AKT1S1: variants seen among roughly 807,000 people sequenced by gnomAD.
AKT1S1 encodes AKT1 substrate 1, also known as proline-rich AKT1 substrate 1.
In AKT1S1, 17 loss-of-function variants were observed where a neutral mutation model predicts 21.2. That is an observed-to-expected ratio of 0.80 (90% CI 0.55 to 1.20). AKT1S1 has a LOEUF of 1.20. Ranked by LOEUF, AKT1S1 falls within the 50% of genes most tolerant of loss-of-function variation. AKT1S1 has a pLI of 0.00. For synonymous variants in AKT1S1, 181 were observed against 165.6 expected (o/e 1.09, Z -0.72); for missense variants, 366 against 368.3 (o/e 0.99, Z 0.05).
In AKT1S1 at chr19:49,873,297, C is replaced by T. The variant is rs1008168610; in HGVS notation, c.-2G>A. On this transcript the variant is annotated 5_prime_UTR_variant, in exon 2 of 5. Coordinates refer to ENST00000344175, the MANE Select transcript of AKT1S1 (RefSeq NM_001098633.4). The surrounding 1 kb of genome is among the most constrained non-coding windows in gnomAD (Gnocchi z 6.9). The stretch of plus-strand genomic sequence containing the variant: ...CTCCTCGGGGCGCCCCGACGCCATC[C>T]GCGCCCTGCGGGCCAGAGCAGGACA... The T allele has an allele frequency of 2.2e-5, 33 of 1,491,434 alleles. No homozygotes were observed. The highest frequency in any genetic ancestry group is 2.1e-4 in the Admixed American group (9 of 43,102). 92.4% of individuals were successfully genotyped at this position (1,491,434 alleles called of 1,614,324 possible).
At chr19:49,877,523 T>A, upstream of AKT1S1, 2 of 555,212 alleles carry the variant, frequency 3.6e-6, no homozygotes, top group Non-Finnish European at 3.2e-6. Flanking sequence ...ACCTTCAGCG[T>A]CTGCGCCACG....
At chr19:49,871,411 C>T in intron 4 of AKT1S1, 136 bp downstream of exon 4, 1 of 1,210,360 alleles carries the variant, frequency 8.3e-7, no homozygotes, top group Non-Finnish European at 1.2e-6. Context: ...TGTCCAAGAA[C>T]TCGCCTCTTG....
At chr19:49,877,965 T>A, upstream of AKT1S1, 1 of 669,306 alleles carries the variant, frequency 1.5e-6, no homozygotes, top group Non-Finnish European at 2.4e-6. Flanking sequence ...CTGCCCCCTG[T>A]GGAACGCACG....
In AKT1S1 at chr19:49,873,536, G is replaced by A. The variant is rs368843593; in HGVS notation, c.-7-234C>T. On this transcript the variant is annotated intron_variant, in intron 1 of 4. Transcript: ENST00000344175. This position sits in a 1 kb window ranked among gnomAD's most constrained non-coding sequence, Gnocchi z 6.9. ...CCCCAACCCATTCCTCCTGCCCCAA[G>A]TCACTGTACTCCTTCCCCTTTGGCC... 3 of 712,938 alleles carry A rather than the reference G, an allele frequency of 4.2e-6. No homozygotes were observed. In the South Asian group the frequency reaches 8.2e-5, roughly 19 times the overall value. 44.2% of individuals were successfully genotyped at this position (712,938 alleles called of 1,614,324 possible). A position where few individuals can be genotyped will look rare whatever the true frequency, so the allele number is the denominator to read the frequency against.
intron 1 of AKT1S1, chr19:49,875,759 G>C: frequency 1.3e-6 from 1 of 766,974 alleles, no homozygotes; most frequent in Non-Finnish European, 1.6e-6. Context: ...CCCCAACTCA[G>C]GAGACATGAG....
intron 1 of AKT1S1, chr19:49,874,164 C>T (rs1479393184): frequency 6.6e-6 from 1 of 152,378 alleles, no homozygotes; most frequent in Non-Finnish European, 1.5e-5. Flanking sequence ...CCCCACCAAC[C>T]TTTCACTCAT....
chr19:49,878,157 G>T (rs202194413), upstream of AKT1S1: 6 of 1,578,362 alleles, frequency 3.8e-6, no homozygotes, highest in East Asian at 4.7e-5. Context: ...TGTTTGAGAA[G>T]GGCGGAGTGT....
Position 49,873,303 on chromosome 19 carries a change from C to A in AKT1S1, c.-7-1G>T. 1 of 1,485,688 alleles carries A rather than the reference C, an allele frequency of 6.7e-7. No homozygotes were observed. The highest frequency in any genetic ancestry group is 8.9e-7 in the Non-Finnish European group (1 of 1,129,444). 92.0% of individuals were successfully genotyped at this position (1,485,688 alleles called of 1,614,324 possible). A position where few individuals can be genotyped will look rare whatever the true frequency, so the allele number is the denominator to read the frequency against. On this transcript the variant is annotated splice_acceptor_variant, in intron 1 of 4. Coordinates refer to ENST00000344175, the MANE Select transcript of AKT1S1 (RefSeq NM_001098633.4). LOFTEE classifies it low-confidence loss of function (5UTR_SPLICE). The surrounding 1 kb of genome is among the most constrained non-coding windows in gnomAD (Gnocchi z 6.9). ...GGGGCGCCCCGACGCCATCCGCGCC[C>A]TGCGGGCCAGAGCAGGACAGAGGGG...
chr19:49,875,854 G>A (rs1302154260), intron 1 of AKT1S1: 1 of 985,340 alleles, frequency 1.0e-6, no homozygotes, highest in African/African-American at 1.7e-5. Context: ...GAGTAGCCAA[G>A]ACCTGGGGGT....
chr19:49,871,547 C>G lies in AKT1S1; in HGVS notation c.627G>C (p.Pro209=). ...CTACCTCCCCACATTTGCCCCTCACCGGCCCATTCTCCTCATCTGATGACC... is the reference window on the plus strand; with the variant it reads ...CTACCTCCCCACATTTGCCCCTCACGGGCCCATTCTCCTCATCTGATGACC... ...EARSSDEENG[P]PSSPDLDRIA... Residue 209 remains proline (P), a splice_region_variant and synonymous_variant, in exon 4 of 5, where the codon CCG becomes CCC. Coordinates refer to ENST00000344175, the MANE Select transcript of AKT1S1 (RefSeq NM_001098633.4). 6.2e-7 allele frequency: 1 copy of G among 1,613,970 alleles called. No individual in the cohort carries two copies. Among genetic ancestry groups the G allele is most frequent in the Non-Finnish European group, 8.5e-7 (1 of 1,180,010 alleles).
chr19:49,869,301 G>A lies in AKT1S1; in HGVS notation c.*616C>T, dbSNP rs955706785. The stretch of plus-strand genomic sequence containing the variant: ...CCAATGAAAGGGGGTGCCAGAGGCA[G>A]GGACAGTTTGGGGCCATCCCTGAGG... On this transcript the variant is annotated 3_prime_UTR_variant, in exon 5 of 5. Coordinates refer to ENST00000344175, the MANE Select transcript of AKT1S1 (RefSeq NM_001098633.4). 2 of 152,812 alleles carry A rather than the reference G, an allele frequency of 1.3e-5. No homozygotes were observed. The highest frequency in any genetic ancestry group is 4.8e-5 in the African/African-American group (2 of 41,466). The allele number at this position is 152,812 out of a possible 1,614,324, so 9.5% of individuals were successfully genotyped here.
rs1042696404 is a variant in AKT1S1, at chr19:49,869,825, G to A, written c.*92C>T. 2.4e-6 allele frequency: 3 copies of A among 1,275,740 alleles called. No homozygotes were observed. The allele number at this position is 1,275,740 out of a possible 1,614,324, so 79.0% of individuals were successfully genotyped here. On this transcript the variant is annotated 3_prime_UTR_variant, in exon 5 of 5. Coordinates refer to ENST00000344175, the MANE Select transcript of AKT1S1 (RefSeq NM_001098633.4). Reference sequence around the variant, plus strand: ...TGGGAGACGCAAGGAGGCCGGTCCCGGATCGGCCTCAGATTAGCAGGCCCC... The same window carrying A: ...TGGGAGACGCAAGGAGGCCGGTCCCAGATCGGCCTCAGATTAGCAGGCCCC...
In AKT1S1 at chr19:49,871,679, G is replaced by C. The variant is rs368386866; in HGVS notation, c.495C>G (p.Pro165=). The stretch of plus-strand genomic sequence containing the variant: ...CTGAGGCTGGGGGCACTGAGCAGGT[G>C]GGGGGGCCGGCGGGGGTCTCCTCGC... ...SLSEETPAGP[P]TCSVPPASAL... Residue 165 remains proline (P), a synonymous_variant, in exon 4 of 5, where the codon CCC becomes CCG. Transcript: ENST00000344175. 6.2e-6 allele frequency: 10 copies of C among 1,612,950 alleles called. No individual in the cohort carries two copies. The highest frequency in any genetic ancestry group is 4.0e-5 in the African/African-American group (3 of 74,868).
At position 49,871,784 on chromosome 19, in the gene AKT1S1, C is replaced by T. The variant is rs369787871; in HGVS notation, c.457+28G>A. 2.1e-5 allele frequency: 34 copies of T among 1,611,164 alleles called. No individual in the cohort carries two copies. In the South Asian group the frequency reaches 2.5e-4, roughly 12 times the overall value. On this transcript the variant is annotated intron_variant, in intron 3 of 4. Transcript: ENST00000344175. ...GTCGGCCGTGTGCCTGCCCTCAGGT[C>T]GGGAGGGGAACAGCCTGGGACACTC...
rs1409937149 is a variant in AKT1S1 at position 49,873,883 on chromosome 19, G to C, written c.-7-581C>G. Reference sequence around the variant, plus strand: ...GTCTAGAAAATTTAGAATTCCACGTGGGGCTTGTGTTGAATTTGATGGATG... The same window carrying C: ...GTCTAGAAAATTTAGAATTCCACGTCGGGCTTGTGTTGAATTTGATGGATG... On this transcript the variant is annotated intron_variant, in intron 1 of 4. Coordinates refer to ENST00000344175, the MANE Select transcript of AKT1S1 (RefSeq NM_001098633.4). The surrounding 1 kb of genome is among the most constrained non-coding windows in gnomAD (Gnocchi z 6.9). 2 of 152,104 alleles carry C rather than the reference G, an allele frequency of 1.3e-5. No homozygotes were observed. The highest frequency in any genetic ancestry group is 2.9e-5 in the Non-Finnish European group (2 of 68,066). 9.4% of individuals were successfully genotyped at this position (152,104 alleles called of 1,614,324 possible).
At position 49,873,121 on chromosome 19, in the gene AKT1S1, G is replaced by A; in HGVS notation, c.175C>T (p.Arg59Cys). The A allele has an allele frequency of 3.9e-6, 6 of 1,542,654 alleles. No individual in the cohort carries two copies. The highest frequency in any genetic ancestry group is 2.4e-5 in the South Asian group (2 of 84,250). The change falls in exon 2 of 5, where the codon CGC (arginine) becomes TGC (cysteine). Residue 59 changes from arginine to cysteine, a missense_variant. Physicochemically the swap from Arg to Cys is radical, Grantham distance 180. Transcript: ENST00000344175. This position sits in a 1 kb window ranked among gnomAD's most constrained non-coding sequence, Gnocchi z 6.9. ...HGRGALAEAA[R>C]RCLHDIALAH... ...AGTGCGATGTCGTGGAGGCAACGGC[G>A]CGCTGCCTCCGCCAGGGCTCCTCGA...
chr19:49,876,735 G>A (rs577585015), intron 1 of AKT1S1: 6 of 1,388,170 alleles, frequency 4.3e-6, no homozygotes, highest in East Asian at 5.8e-5. Context: ...GGCCGCCCGA[G>A]ATCAAGATGG....
Position 49,873,436 on chromosome 19 carries a change from C to A in AKT1S1, c.-7-134G>T. On this transcript the variant is annotated intron_variant, in intron 1 of 4. Coordinates refer to ENST00000344175, the MANE Select transcript of AKT1S1 (RefSeq NM_001098633.4). This position sits in a 1 kb window ranked among gnomAD's most constrained non-coding sequence, Gnocchi z 6.9. The stretch of plus-strand genomic sequence containing the variant: ...ACCTTGTCCCAGCGGTGCTGTGTGT[C>A]CTCCCCAAACCTGCTACTCCCCAGG... 1 of 1,340,812 alleles carries A rather than the reference C, an allele frequency of 7.5e-7. No homozygotes were observed. Among genetic ancestry groups the A allele is most frequent in the Non-Finnish European group, 9.6e-7 (1 of 1,046,150 alleles). 83.1% of individuals were successfully genotyped at this position (1,340,812 alleles called of 1,614,324 possible). A position where few individuals can be genotyped will look rare whatever the true frequency, so the allele number is the denominator to read the frequency against.
intron 1 of AKT1S1, chr19:49,876,232 A>G (rs1458100115): frequency 9.4e-7 from 1 of 1,064,336 alleles, no homozygotes; most frequent in Admixed American, 5.4e-5. Flanking sequence ...CCACTGGTCT[A>G]GGAAGAAAAC....
Sources: gnomAD v4.1 joint callset for allele counts on GRCh38, gnomAD v4.1.1 for gene constraint, Gnocchi (gnomAD v3.1) non-coding constraint, MANE v1.5 for transcripts, NCBI Gene and HGNC (gene_info 2026-07-23, HGNC 2026-07-21) for gene names.